NFX1: variants seen among roughly 807,000 people sequenced by gnomAD.
NFX1 encodes nuclear transcription factor, X-box binding 1.
NFX1 carries 69 observed loss-of-function variants against 137.2 expected under a neutral mutation model. The observed-to-expected ratio is 0.50, with a 90% CI of 0.41 to 0.61. The LOEUF (loss-of-function observed/expected upper bound fraction) is 0.61, where lower values mean the gene tolerates loss of function less well. Ranked by LOEUF, NFX1 falls within the 20% of genes least tolerant of loss-of-function variation. NFX1 has a pLI of 0.00. For missense variants in NFX1, 1,167 were observed against 1,391.0 expected (o/e 0.84, Z 2.56); for synonymous variants, 495 against 474.1 (o/e 1.04, Z -0.57).
chr9:33,318,759 T>C lies in NFX1; in HGVS notation c.1617T>C (p.Asp539=). ...GCTATTGCGGCAGCACCTCCCGAGATGTGTTATGTGGAACCGATGTAGGAA... is the reference window on the plus strand; with the variant it reads ...GCTATTGCGGCAGCACCTCCCGAGACGTGTTATGTGGAACCGATGTAGGAA... ...QVCYCGSTSR[D]VLCGTDVGKS... is the part of the protein sequence containing the mutation. Residue 539 remains aspartate, a synonymous_variant, in exon 8 of 24, where the codon GAT becomes GAC. Transcript: ENST00000379540. 6.2e-7 allele frequency: 1 copy of C among 1,614,210 alleles called. No individual in the cohort carries two copies. Among genetic ancestry groups the C allele is most frequent in the Non-Finnish European group, 8.5e-7 (1 of 1,180,024 alleles).
chr9:33,306,456 G>A (rs1295693925), intron 4 of NFX1, among the ~76,000 whole-genome samples: 1 of 152,128 alleles, frequency 6.6e-6, no homozygotes, highest in Non-Finnish European at 1.5e-5. Context: ...TGTGGATTTG[G>A]GGATCAATGG....
At chr9:33,354,209 T>C in intron 18 of NFX1, 22 bp downstream of exon 18, 2 of 1,571,880 alleles carry the variant, frequency 1.3e-6, no homozygotes, top group Non-Finnish European at 8.7e-7. Flanking sequence ...AATGCATATA[T>C]GTGCCTTCTT....
intron 19 of NFX1, among the ~76,000 whole-genome samples, chr9:33,359,294 G>A (rs543257571): frequency 6.6e-6 from 1 of 151,732 alleles, no homozygotes; most frequent in African/African-American, 2.4e-5. Context: ...TTGAATGGAG[G>A]GTGGTAATAA....
chr9:33,297,857 A>G (rs1483214645), intron 2 of NFX1, among the ~76,000 whole-genome samples: 3 of 152,164 alleles, frequency 2.0e-5, no homozygotes, highest in Admixed American at 6.5e-5. Flanking sequence ...GGCTTACTTG[A>G]TTAAGTCAGG....
At chr9:33,323,093 C>T (rs1213583912) in intron 9 of NFX1, among the ~76,000 whole-genome samples, 1 of 152,158 alleles carries the variant, frequency 6.6e-6, no homozygotes, top group Admixed American at 6.5e-5. Flanking sequence ...CACAGTTTAA[C>T]AGAGAGATCG....
chr9:33,329,472 C>T (rs1267711521), intron 10 of NFX1, among the ~76,000 whole-genome samples: 2 of 152,076 alleles, frequency 1.3e-5, no homozygotes, highest in African/African-American at 4.8e-5. Context: ...CTCAAGACTC[C>T]AGGCAAACAA....
chr9:33,333,351 T>C (rs1822883404), intron 11 of NFX1, among the ~76,000 whole-genome samples: 1 of 152,222 alleles, frequency 6.6e-6, no homozygotes, highest in Non-Finnish European at 1.5e-5. Context: ...CTGCCACACC[T>C]GATAGGATAT....
At chr9:33,291,320 T>C (rs1041603699) in intron 1 of NFX1, among the ~76,000 whole-genome samples, 1 of 152,224 alleles carries the variant, frequency 6.6e-6, no homozygotes, top group African/African-American at 2.4e-5. Context: ...TACATAAATA[T>C]AAAAGCGAAC....
Position 33,311,034 on chromosome 9 carries a change from C to G in NFX1, c.1377-72C>G, listed in dbSNP as rs1370698971. 5.7e-6 allele frequency: 8 copies of G among 1,401,754 alleles called. No individual in the cohort carries two copies. In the South Asian group the frequency reaches 9.4e-5, roughly 16 times the overall value. 86.8% of individuals were successfully genotyped at this position (1,401,754 alleles called of 1,614,324 possible). ...ATTTGTTGCCATATTCACAATAAGA[C>G]CCAGCTGGGACAGCTTTGTTCGGGT... On this transcript the variant is annotated intron_variant, in intron 5 of 23. Coordinates refer to ENST00000379540, the MANE Select transcript of NFX1 (RefSeq NM_002504.6).
At chr9:33,313,217 A>G (rs1463992909) in intron 6 of NFX1, among the ~76,000 whole-genome samples, 2 of 152,166 alleles carry the variant, frequency 1.3e-5, no homozygotes, top group Admixed American at 1.3e-4. Context: ...AATACTCAGG[A>G]ATAGCCTTCA....
In NFX1 at chr9:33,295,113, G is replaced by T; in HGVS notation, c.719G>T (p.Arg240Ile). The change falls in exon 2 of 24, where the codon AGA becomes ATA. Residue 240 changes from arginine (R) to isoleucine (I), a missense_variant. By Grantham distance (97) the Arg-to-Ile change is moderately conservative. Transcript: ENST00000379540. Reference sequence around the variant, plus strand: ...GGAGCCAGACGAAATGAGCAGAGAAGATACCCACAGAAAAGGCCTCCCTGG... The same window carrying T: ...GGAGCCAGACGAAATGAGCAGAGAATATACCCACAGAAAAGGCCTCCCTGG... ...GYGARRNEQR[R>I]YPQKRPPWEV... is the part of the protein sequence containing the mutation. 6.2e-7 allele frequency: 1 copy of T among 1,614,126 alleles called. No individual in the cohort carries two copies. The highest frequency in any genetic ancestry group is 8.5e-7 in the Non-Finnish European group (1 of 1,180,032).
chr9:33,364,653 G>A, intron 20 of NFX1, 55 bp from the exon 21 acceptor site: 3 of 1,578,686 alleles, frequency 1.9e-6, no homozygotes, highest in Non-Finnish European at 2.6e-6. Flanking sequence ...ATGGGTGAAA[G>A]GGGTTCTCAG....
At chr9:33,313,145 C>T (rs1822023364) in intron 6 of NFX1, among the ~76,000 whole-genome samples, 1 of 152,166 alleles carries the variant, frequency 6.6e-6, no homozygotes, top group Admixed American at 6.5e-5. Context: ...CTCCTCACCC[C>T]AGCATTCTTT....
In NFX1 at chr9:33,332,173, C is replaced by T. The variant is rs1350646994; in HGVS notation, c.2005-299C>T. On this transcript the variant is annotated intron_variant, in intron 10 of 23. Transcript: ENST00000379540. ...CTTTCCTTTGCATGCCTTTAGCAGCCCTCTTTCTATTTAGATTTTGTAATT... is the reference window on the plus strand; with the variant it reads ...CTTTCCTTTGCATGCCTTTAGCAGCTCTCTTTCTATTTAGATTTTGTAATT... 1.3e-5 allele frequency among the ~76,000 whole-genome samples: 2 copies of T among 152,164 alleles called. 1 individual carries two copies. Among genetic ancestry groups the T allele is most frequent in the Admixed American group, 1.3e-4 (2 of 15,252 alleles).
chr9:33,298,879 A>AC (rs1160973178), intron 2 of NFX1, among the ~76,000 whole-genome samples: 29 of 152,326 alleles, frequency 1.9e-4, no homozygotes, highest in African/African-American at 7.0e-4. Context: ...CAGGTAGGAG[A>AC]TGATGGAGAC....
chr9:33,307,069 C>A (rs1000683768), intron 4 of NFX1, 125 bp from the exon 5 acceptor site: 4 of 623,634 alleles, frequency 6.4e-6, no homozygotes, highest in South Asian at 2.4e-5. Flanking sequence ...TGGGATAATA[C>A]ATTTGTTGAA....
intron 6 of NFX1, 149 bp downstream of exon 6, chr9:33,311,326 A>C (rs1161995327): frequency 3.9e-6 from 3 of 776,316 alleles, no homozygotes; most frequent in Admixed American, 4.9e-5. Context: ...AAAGTTTATT[A>C]AAAAGCTTTA....
chr9:33,359,750 T>C (rs1823932111), intron 19 of NFX1, among the ~76,000 whole-genome samples: 1 of 152,254 alleles, frequency 6.6e-6, no homozygotes, highest in Non-Finnish European at 1.5e-5. Context: ...ACAAACTTTC[T>C]GATTCTAGCA....
At chr9:33,361,936 G>A (rs576865754) in intron 19 of NFX1, among the ~76,000 whole-genome samples, 108 of 151,892 alleles carry the variant, frequency 7.1e-4, no homozygotes, top group African/African-American at 2.4e-3. Flanking sequence ...CAGCCTGGGC[G>A]ACATAGCAAA....
Sources: allele counts gnomAD v4.1 joint callset (sites outside exome capture counted in the v4.1 genomes callset), GRCh38; gene constraint gnomAD v4.1.1; transcripts MANE v1.5; gene names NCBI Gene and HGNC (gene_info 2026-07-23, HGNC 2026-07-21).